The following CNTNAP2 variants were observed in gnomAD, a reference collection of about 807,000 sequenced individuals.
The protein encoded by CNTNAP2 is contactin-associated protein-like 2.
In CNTNAP2, 98 loss-of-function variants were observed where a neutral mutation model predicts 155.2. That is an observed-to-expected ratio of 0.63 (90% CI 0.54 to 0.75). The LOEUF is 0.75. Ranked by LOEUF, CNTNAP2 falls within the 30% of genes least tolerant of loss-of-function variation. CNTNAP2 has a pLI of 0.00. For missense variants in CNTNAP2, 1,727 were observed against 1,688.1 expected (o/e 1.02, Z -0.40); for synonymous variants, 651 against 631.2 (o/e 1.03, Z -0.47).
At chr7:147,244,935 C>T (rs908869614) in intron 8 of CNTNAP2, among the ~76,000 whole-genome samples, 2 of 152,070 alleles carry the variant, frequency 1.3e-5, no homozygotes, top group Non-Finnish European at 2.9e-5. Flanking sequence ...AAAATTTACT[C>T]TAGAAAGTAA....
At chr7:147,441,903 G>C (rs138707444) in intron 10 of CNTNAP2, among the ~76,000 whole-genome samples, 8 of 131,168 alleles carry the variant, frequency 6.1e-5, no homozygotes, top group African/African-American at 2.3e-4. Context: ...TCTGAGCCAC[G>C]TGGAGCTGGG....
intron 21 of CNTNAP2, among the ~76,000 whole-genome samples, chr7:148,382,733 T>A (rs1637844): frequency 6.6e-6 from 1 of 152,010 alleles, no homozygotes; most frequent in African/African-American, 2.4e-5. Flanking sequence ...GCAATCGCAG[T>A]GCTGCCGCTG....
chr7:146,230,148 A>G (rs772742066), intron 1 of CNTNAP2, among the ~76,000 whole-genome samples: 2 of 152,212 alleles, frequency 1.3e-5, no homozygotes, highest in Non-Finnish European at 2.9e-5. Context: ...ACTGTTACAC[A>G]CTTGAGATCA....
At chr7:147,848,259 C>T (rs189952263) in intron 13 of CNTNAP2, among the ~76,000 whole-genome samples, 5 of 147,950 alleles carry the variant, frequency 3.4e-5, no homozygotes, top group South Asian at 2.2e-4. Context: ...ATTCCGTAGG[C>T]GTAGGACCCT....
intron 10 of CNTNAP2, among the ~76,000 whole-genome samples, chr7:147,423,607 T>C (rs1797332990): frequency 6.6e-6 from 1 of 152,148 alleles, no homozygotes. Context: ...AACCCTCTTG[T>C]AGTATTCTTT....
intron 21 of CNTNAP2, among the ~76,000 whole-genome samples, chr7:148,321,857 A>C (rs1261685229): frequency 6.6e-6 from 1 of 152,196 alleles, no homozygotes. Flanking sequence ...TATGAACTGC[A>C]AAAGAATTCT....
chr7:147,339,581 A>T (rs1309190825), intron 9 of CNTNAP2, among the ~76,000 whole-genome samples: 1 of 152,138 alleles, frequency 6.6e-6, no homozygotes, highest in Non-Finnish European at 1.5e-5. Context: ...AGCACTAAAC[A>T]AACTAAGACG....
chr7:146,720,953 T>C (rs1801279652), intron 1 of CNTNAP2, among the ~76,000 whole-genome samples: 1 of 130,556 alleles, frequency 7.7e-6, no homozygotes, highest in East Asian at 2.1e-4. Context: ...CTATATATTC[T>C]ATATATATAC....
At chr7:147,834,023 T>C (rs1798595024) in intron 13 of CNTNAP2, among the ~76,000 whole-genome samples, 1 of 152,208 alleles carries the variant, frequency 6.6e-6, no homozygotes, top group African/African-American at 2.4e-5. Flanking sequence ...AAGGAAGAAT[T>C]GAAAGATTAG....
chr7:147,032,512 A>G (rs1799055020), intron 3 of CNTNAP2, among the ~76,000 whole-genome samples: 1 of 152,188 alleles, frequency 6.6e-6, no homozygotes, highest in East Asian at 1.9e-4. Context: ...TGTTGATGAC[A>G]AAAACCAAAT....
chr7:146,864,180 T>C (rs1795158155), intron 3 of CNTNAP2, among the ~76,000 whole-genome samples: 1 of 152,100 alleles, frequency 6.6e-6, no homozygotes, highest in South Asian at 2.1e-4. Flanking sequence ...ATTAGAGATC[T>C]ATATTTATAA....
rs114602369 is a variant in CNTNAP2 at position 147,519,290 on chromosome 7, C to T, written c.1777+33249C>T. Among the ~76,000 whole-genome samples, 1,324 of 152,194 alleles carry T rather than the reference C, an allele frequency of 8.7e-3. 23 individuals are homozygous for T. The highest frequency in any genetic ancestry group is 0.031 in the African/African-American group (1,274 of 41,536). On this transcript the variant is annotated intron_variant, in intron 11 of 23. Coordinates refer to ENST00000361727, the MANE Select transcript of CNTNAP2 (RefSeq NM_014141.6). ...CACTGGCCGTCATCTTCAAAGCCAG[C>T]GATGACTGATGTAATCTTTCTCACA...
intron 13 of CNTNAP2, among the ~76,000 whole-genome samples, chr7:147,722,740 G>A (rs578076684): frequency 2.0e-5 from 3 of 152,102 alleles, no homozygotes; most frequent in Admixed American, 1.3e-4. Flanking sequence ...CCCAAAGCTC[G>A]GAGCACTATT....
chr7:146,159,660 T>C (rs1391404892), intron 1 of CNTNAP2, among the ~76,000 whole-genome samples: 1 of 152,034 alleles, frequency 6.6e-6, no homozygotes, highest in Non-Finnish European at 1.5e-5. Context: ...TTAATAATGG[T>C]AAAGGGATCA....
intron 15 of CNTNAP2, among the ~76,000 whole-genome samples, chr7:147,991,164 A>G (rs895145917): frequency 7.9e-5 from 12 of 152,172 alleles, no homozygotes; most frequent in Non-Finnish European, 2.9e-5. Context: ...TTATGAGTCA[A>G]TCTCTTTTCT....
chr7:146,428,084 A>G (rs1200260233), intron 1 of CNTNAP2, among the ~76,000 whole-genome samples: 1 of 152,192 alleles, frequency 6.6e-6, no homozygotes, highest in Non-Finnish European at 1.5e-5. Flanking sequence ...GTTCCTTGTT[A>G]TAACTTTATA....
chr7:148,030,152 A>G (rs1802448952), intron 15 of CNTNAP2, among the ~76,000 whole-genome samples: 1 of 152,170 alleles, frequency 6.6e-6, no homozygotes, highest in African/African-American at 2.4e-5. Flanking sequence ...CAGTTAAATT[A>G]CCAAGTGCTG....
intron 1 of CNTNAP2, among the ~76,000 whole-genome samples, chr7:146,600,521 T>A (rs1362160528): frequency 1.3e-5 from 2 of 152,124 alleles, no homozygotes; most frequent in Non-Finnish European, 2.9e-5. Flanking sequence ...TTCTAAAAGG[T>A]GAGGTGGAAA....
intron 22 of CNTNAP2, among the ~76,000 whole-genome samples, chr7:148,385,739 T>G (rs1410308404): frequency 4.8e-4 from 12 of 24,754 alleles, no homozygotes; most frequent in East Asian, 4.8e-3. Flanking sequence ...GTGACAGGTT[T>G]TTTTTTTTTT....
Sources: allele counts gnomAD v4.1 joint callset (sites outside exome capture counted in the v4.1 genomes callset), GRCh38; gene constraint gnomAD v4.1.1; transcripts MANE v1.5; gene names NCBI Gene and HGNC (gene_info 2026-07-23, HGNC 2026-07-21).